The following PPP1R42 variants were observed in gnomAD, a reference collection of about 807,000 sequenced individuals.
The protein encoded by PPP1R42 is leucine rich repeat containing 67.
A neutral mutation model predicts 31.0 loss-of-function variants in PPP1R42; 34 were observed. That is an observed-to-expected ratio of 1.10 (90% confidence interval 0.83 to 1.46). The LOEUF is 1.46. Among genes scored for constraint, PPP1R42 ranks in the 40% most tolerant of loss-of-function variants. The probability of loss-of-function intolerance (pLI) is 0.00; values close to 1 mark genes in which losing one functional copy is unlikely to be tolerated. For synonymous variants in PPP1R42, 103 were observed against 109.8 expected, an observed-to-expected ratio of 0.94 and a Z score of 0.39; for missense variants, 268 against 303.0, an observed-to-expected ratio of 0.88 and a Z score of 0.86.
At chr8:66,991,736 AT>A (rs1815194355) in intron 5 of PPP1R42, among the ~76,000 whole-genome samples, 1 of 151,678 alleles carries the variant, frequency 6.6e-6, no homozygotes, top group Non-Finnish European at 1.5e-5. Context: ...TTCCATTTCC[AT>A]TTCCAGTATC....
At chr8:66,975,076 G>C (rs959123791) in intron 7 of PPP1R42, among the ~76,000 whole-genome samples, 7 of 152,078 alleles carry the variant, frequency 4.6e-5, no homozygotes, top group African/African-American at 1.7e-4. Context: ...ATCACTTTTG[G>C]TCTTACGGAT....
At position 67,028,496 on chromosome 8, in the gene PPP1R42, G is replaced by A; in HGVS notation, c.-90C>T. Reference sequence around the variant, plus strand: ...ATTCCCCGCGGGCAGCTCACCGCTCGCGGGACAGTCCGGTAGCTAACTCCA... The same window carrying A: ...ATTCCCCGCGGGCAGCTCACCGCTCACGGGACAGTCCGGTAGCTAACTCCA... On this transcript the variant is annotated 5_prime_UTR_variant, in exon 1 of 8. Coordinates refer to ENST00000685739, the MANE Select transcript of PPP1R42 (RefSeq NM_001364910.1). The A allele has an allele frequency of 1.0e-6, 1 of 985,528 alleles. No individual in the cohort carries two copies. The highest frequency in any genetic ancestry group is 1.2e-6 in the Non-Finnish European group (1 of 829,958). 61.0% of individuals were successfully genotyped at this position (985,528 alleles called of 1,614,324 possible). A position where few individuals can be genotyped will look rare whatever the true frequency, so the allele number is the denominator to read the frequency against.
chr8:67,006,170 T>C (rs1186773757), intron 5 of PPP1R42, among the ~76,000 whole-genome samples: 1 of 152,232 alleles, frequency 6.6e-6, no homozygotes, highest in African/African-American at 2.4e-5. Context: ...GCCTGGCATG[T>C]TCTTTCCCTA....
chr8:66,985,226 TG>T (rs1450119509), intron 6 of PPP1R42: 2 of 1,118,420 alleles, frequency 1.8e-6, no homozygotes, highest in Non-Finnish European at 2.7e-6. Flanking sequence ...TTCTCAAATT[TG>T]CCCTTGTCAT....
intron 1 of PPP1R42, among the ~76,000 whole-genome samples, chr8:67,026,371 G>A (rs1816397324): frequency 6.6e-6 from 1 of 152,062 alleles, no homozygotes; most frequent in South Asian, 2.1e-4. Context: ...ATGTGACAAG[G>A]TAAAGGAGCT....
chr8:67,014,353 G>A (rs1279777988), intron 3 of PPP1R42, 73 bp downstream of exon 3: 3 of 826,962 alleles, frequency 3.6e-6, no homozygotes, highest in Non-Finnish European at 5.3e-6. Context: ...AAATGGAAAT[G>A]CCTTCATGCA....
chr8:67,013,956 T>C (rs779492343), intron 3 of PPP1R42, among the ~76,000 whole-genome samples: 1 of 152,216 alleles, frequency 6.6e-6, no homozygotes, highest in African/African-American at 2.4e-5. Context: ...CTATAGGTAG[T>C]AAATGCCTTT....
chr8:66,977,109 C>T (rs1814699499), intron 7 of PPP1R42, among the ~76,000 whole-genome samples: 1 of 151,526 alleles, frequency 6.6e-6, no homozygotes, highest in African/African-American at 2.4e-5. Context: ...TCTCAGCTCA[C>T]TGCAACCTCC....
chr8:66,973,878 C>T (rs1414978722), intron 7 of PPP1R42, among the ~76,000 whole-genome samples: 1 of 152,068 alleles, frequency 6.6e-6, no homozygotes, highest in Non-Finnish European at 1.5e-5. Context: ...AGCATAATAC[C>T]CTCAAGGCTC....
chr8:67,006,347 A>G (rs748179397), intron 5 of PPP1R42, among the ~76,000 whole-genome samples: 1 of 151,996 alleles, frequency 6.6e-6, no homozygotes, highest in Non-Finnish European at 1.5e-5. Context: ...CTTAGGTCTC[A>G]CTCTGTTATC....
chr8:67,012,615 C>T (rs1815876521), intron 4 of PPP1R42, among the ~76,000 whole-genome samples: 1 of 152,184 alleles, frequency 6.6e-6, no homozygotes, highest in Non-Finnish European at 1.5e-5. Flanking sequence ...TCTCCTTAGG[C>T]ATTTTCCTAA....
intron 5 of PPP1R42, among the ~76,000 whole-genome samples, chr8:66,995,091 A>AT (rs1815296515): frequency 6.6e-6 from 1 of 152,146 alleles, no homozygotes; most frequent in Non-Finnish European, 1.5e-5. Context: ...GGCATGAGAG[A>AT]TTTTTTGCCT....
At chr8:66,964,527 A>G (rs1212017683) in intron 7 of PPP1R42, among the ~76,000 whole-genome samples, 193 bp from the exon 8 acceptor site, 3 of 152,216 alleles carry the variant, frequency 2.0e-5, no homozygotes, top group Non-Finnish European at 4.4e-5. Context: ...GTAGCGAAGA[A>G]TGTGAAAAAT....
chr8:66,983,920 T>C (rs1226523339), intron 6 of PPP1R42, among the ~76,000 whole-genome samples: 2 of 152,210 alleles, frequency 1.3e-5, no homozygotes, highest in African/African-American at 4.8e-5. Context: ...TTTTATTATT[T>C]ATTTAAACAA....
chr8:66,994,318 C>G (rs1362916298), intron 5 of PPP1R42, among the ~76,000 whole-genome samples: 1 of 152,192 alleles, frequency 6.6e-6, no homozygotes, highest in East Asian at 1.9e-4. Context: ...CCTCAGTAAG[C>G]TAGGGCATGG....
intron 2 of PPP1R42, among the ~76,000 whole-genome samples, chr8:67,016,683 GTTC>G (rs1245401736): frequency 1.3e-5 from 2 of 152,138 alleles, no homozygotes; most frequent in African/African-American, 2.4e-5. Context: ...ACGTGGATAG[GTTC>G]TTCTTTTTTG....
chr8:67,003,724 C>CT (rs1230607803), intron 5 of PPP1R42, among the ~76,000 whole-genome samples: 2 of 151,590 alleles, frequency 1.3e-5, no homozygotes, highest in Non-Finnish European at 2.9e-5. Flanking sequence ...TATGTTGAAA[C>CT]TTTTTTTTTC....
chr8:66,998,904 G>T (rs933985094), intron 5 of PPP1R42, among the ~76,000 whole-genome samples: 1 of 150,816 alleles, frequency 6.6e-6, no homozygotes, highest in Non-Finnish European at 1.5e-5. Flanking sequence ...GTCATTGTGT[G>T]TTTTTTTTTA....
At chr8:67,019,225 G>C (rs1045805542) in intron 1 of PPP1R42, among the ~76,000 whole-genome samples, 1 of 144,208 alleles carries the variant, frequency 6.9e-6, no homozygotes, top group East Asian at 2.1e-4. Context: ...ACTACGCCTG[G>C]TTTATGAGCA....
Sources: gnomAD v4.1 joint callset for allele counts (sites outside exome capture counted in the v4.1 genomes callset) on GRCh38, gnomAD v4.1.1 for gene constraint, MANE v1.5 for transcripts, NCBI Gene and HGNC (gene_info 2026-07-23, HGNC 2026-07-21) for gene names.